SRFBP1: variants seen among roughly 807,000 people sequenced by gnomAD.
SRFBP1 encodes the protein serum response factor binding protein 1, also known as serum response factor-binding protein 1.
SRFBP1 carries 47 observed loss-of-function variants against 45.5 expected under a neutral mutation model. The ratio of observed to expected loss-of-function variants is 1.03; its 90% confidence interval spans 0.82 to 1.32. SRFBP1 has a LOEUF of 1.32. SRFBP1 is among the 40% of genes most tolerant of loss of function. SRFBP1 has a pLI of 0.00. For missense variants in SRFBP1, 621 were observed against 484.6 expected, an observed-to-expected ratio of 1.28 and a Z score of -2.64; for synonymous variants, 203 against 166.3, an observed-to-expected ratio of 1.22 and a Z score of -1.70.
chr5:121,985,015 CTT>C (rs763751343), intron 3 of SRFBP1, among the ~76,000 whole-genome samples: 1 of 151,800 alleles, frequency 6.6e-6, no homozygotes, highest in African/African-American at 2.4e-5. Context: ...GACCAAAACA[CTT>C]TATTTTGGCT....
At chr5:122,015,071 A>C (rs921255638) in intron 4 of SRFBP1, among the ~76,000 whole-genome samples, 1 of 152,198 alleles carries the variant, frequency 6.6e-6, no homozygotes, top group Admixed American at 6.5e-5. Flanking sequence ...AACATGCTGA[A>C]AGAAGCAGTA....
At chr5:122,017,810 AG>A (rs1753220761) in intron 4 of SRFBP1, among the ~76,000 whole-genome samples, 1 of 152,206 alleles carries the variant, frequency 6.6e-6, no homozygotes, top group South Asian at 2.1e-4. Flanking sequence ...TTCACAATGA[AG>A]GGTAAATTTA....
At chr5:122,034,702 T>C (rs1753661348) in intron 2 of SRFBP1, among the ~76,000 whole-genome samples, 1 of 152,172 alleles carries the variant, frequency 6.6e-6, no homozygotes, top group Non-Finnish European at 1.5e-5. Flanking sequence ...TAAGTATATT[T>C]AATGCTAAAT....
At chr5:121,996,947 C>A (rs1241446214) in intron 4 of SRFBP1, among the ~76,000 whole-genome samples, 11 of 139,528 alleles carry the variant, frequency 7.9e-5, no homozygotes, top group Non-Finnish European at 1.5e-4. Flanking sequence ...CCTAGGCATC[C>A]AACTTACAAG....
chr5:122,074,293 T>A, intron 2 of SRFBP1: 1 of 755,072 alleles, frequency 1.3e-6, no homozygotes. Context: ...ACCAAATTTA[T>A]CTTCTAAAAG....
chr5:121,986,863 TA>T (rs1434969811), intron 3 of SRFBP1, among the ~76,000 whole-genome samples: 2 of 152,144 alleles, frequency 1.3e-5, no homozygotes, highest in East Asian at 3.8e-4. Flanking sequence ...GACAGAATTT[TA>T]AAAAGCAAAC....
At chr5:122,054,494 G>A (rs1561410491) in intron 2 of SRFBP1, among the ~76,000 whole-genome samples, 1 of 152,174 alleles carries the variant, frequency 6.6e-6, no homozygotes. Flanking sequence ...TCCTGTCCGT[G>A]AGTGTGGCAT....
chr5:121,969,791 A>T (rs570611672), intron 1 of SRFBP1, among the ~76,000 whole-genome samples: 2 of 151,908 alleles, frequency 1.3e-5, no homozygotes, highest in South Asian at 4.2e-4. Context: ...ATGGCCTCAG[A>T]TTTTCCCTTC....
chr5:122,048,662 A>C (rs976550805), intron 2 of SRFBP1, among the ~76,000 whole-genome samples: 1 of 152,150 alleles, frequency 6.6e-6, no homozygotes, highest in African/African-American at 2.4e-5. Flanking sequence ...TCAGCTGTGA[A>C]TCCATCTGGT....
chr5:122,042,116 T>C (rs1367686413), intron 2 of SRFBP1, among the ~76,000 whole-genome samples: 1 of 151,886 alleles, frequency 6.6e-6, no homozygotes. Flanking sequence ...TTGTGCCTAG[T>C]GCATTTTGAC....
intron 4 of SRFBP1, among the ~76,000 whole-genome samples, chr5:122,005,326 T>C (rs941303376): frequency 6.6e-6 from 1 of 152,198 alleles, no homozygotes; most frequent in Non-Finnish European, 1.5e-5. Flanking sequence ...TTGGGTCCTC[T>C]GATACTGGAT....
chr5:122,051,939 T>C (rs1445394691), intron 2 of SRFBP1, among the ~76,000 whole-genome samples: 1 of 152,200 alleles, frequency 6.6e-6, no homozygotes, highest in Non-Finnish European at 1.5e-5. Context: ...GTAAGGCAGG[T>C]CTGATGATAA....
At chr5:122,009,422 C>T (rs2112694123) in intron 4 of SRFBP1, among the ~76,000 whole-genome samples, 1 of 152,080 alleles carries the variant, frequency 6.6e-6, no homozygotes, top group African/African-American at 2.4e-5. Context: ...TTTCTTTTCC[C>T]CCCTTTTCAT....
intron 2 of SRFBP1, among the ~76,000 whole-genome samples, chr5:122,039,819 A>G (rs767579397): frequency 5.3e-5 from 8 of 152,002 alleles, no homozygotes; most frequent in Non-Finnish European, 1.0e-4. Flanking sequence ...CACATATATG[A>G]TATATGGTTG....
At chr5:121,980,927 A>G (rs1006504790) in intron 3 of SRFBP1, among the ~76,000 whole-genome samples, 5 of 152,088 alleles carry the variant, frequency 3.3e-5, no homozygotes, top group African/African-American at 1.2e-4. Flanking sequence ...TCATTCTTTC[A>G]GGGGTAGCTC....
chr5:121,971,134 C>G (rs144988224), intron 1 of SRFBP1, among the ~76,000 whole-genome samples: 113 of 151,894 alleles, frequency 7.4e-4, no homozygotes, highest in African/African-American at 2.5e-3. Flanking sequence ...AATTGGACAC[C>G]GTTAAAGAGA....
chr5:122,073,494 A>G (rs1754513770), intron 2 of SRFBP1, among the ~76,000 whole-genome samples: 1 of 152,328 alleles, frequency 6.6e-6, no homozygotes, highest in East Asian at 1.9e-4. Flanking sequence ...CGCAACCACT[A>G]TTCTATTTTC....
intron 2 of SRFBP1, among the ~76,000 whole-genome samples, chr5:122,033,975 C>T (rs1753638085): frequency 6.6e-6 from 1 of 151,506 alleles, no homozygotes; most frequent in African/African-American, 2.4e-5. Context: ...AGGCACACGC[C>T]ACCACGCCCA....
chr5:122,034,409 G>C (rs996556376), intron 2 of SRFBP1, among the ~76,000 whole-genome samples: 1 of 151,422 alleles, frequency 6.6e-6, no homozygotes, highest in Non-Finnish European at 1.5e-5. Context: ...TGTTTCTGTT[G>C]TCCTTTTGCT....
Sources: gnomAD v4.1 joint callset for allele counts (sites outside exome capture counted in the v4.1 genomes callset) on GRCh38, gnomAD v4.1.1 for gene constraint, MANE v1.5 for transcripts, NCBI Gene and HGNC (gene_info 2026-07-23, HGNC 2026-07-21) for gene names.